The following GOLT1B variants were observed in gnomAD, a reference collection of about 807,000 sequenced individuals.
GOLT1B encodes the protein golgi transport 1B.
A neutral mutation model predicts 15.4 loss-of-function variants in GOLT1B; 3 were observed. That is an observed-to-expected ratio of 0.19 (90% CI 0.09 to 0.50). GOLT1B has a LOEUF of 0.50. Among genes scored for constraint, GOLT1B ranks in the 20% least tolerant of loss-of-function variants. The pLI is 0.97. For missense variants in GOLT1B, 145 were observed against 160.4 expected (o/e 0.90, Z 0.52); for synonymous variants, 65 against 56.2 (o/e 1.16, Z -0.70).
At chr12:21,503,073 C>A (rs1400217991) in intron 1 of GOLT1B, among the ~76,000 whole-genome samples, 6 of 152,238 alleles carry the variant, frequency 3.9e-5, no homozygotes, top group Non-Finnish European at 8.8e-5. Flanking sequence ...CTGGGGCTGC[C>A]TCTTGGGGCC....
At chr12:21,514,978 A>C (rs892199274) in intron 4 of GOLT1B, among the ~76,000 whole-genome samples, 6 of 137,948 alleles carry the variant, frequency 4.3e-5, no homozygotes, top group African/African-American at 1.6e-4. Flanking sequence ...TCTTTACATC[A>C]CCATCTGGAA....
rs900433331 is a variant in GOLT1B, at chr12:21,517,646, A to G, written c.*1939A>G. 1 of 152,076 alleles carries G rather than the reference A, an allele frequency of 6.6e-6. No individual in the cohort carries two copies. 9.4% of individuals were successfully genotyped at this position (152,076 alleles called of 1,614,324 possible). On this transcript the variant is annotated 3_prime_UTR_variant, in exon 5 of 5. Coordinates refer to ENST00000229314, the MANE Select transcript of GOLT1B (RefSeq NM_016072.5). ...ACTGTAACAGAGATTCCTTTTTTCA[A>G]TAATCTTAATTCAAAAGCATTATTA... is the stretch of plus-strand genomic sequence containing the variant.
chr12:21,513,556 C>T (rs1943735388), intron 4 of GOLT1B, among the ~76,000 whole-genome samples: 2 of 152,000 alleles, frequency 1.3e-5, no homozygotes, highest in East Asian at 1.9e-4. Flanking sequence ...CAAGCAATGC[C>T]CCCACCTCAG....
Position 21,501,843 on chromosome 12 carries a change from TC to T in GOLT1B, c.-78del, listed in dbSNP as rs1943627722. ...CGTGGCGGCTCTCGCCTGGGCTGTT[TC>T]CCGGCTTCATTTCTCCCGACTCAGC... On this transcript the variant is annotated 5_prime_UTR_variant, in exon 1 of 5. Coordinates refer to ENST00000229314, the MANE Select transcript of GOLT1B (RefSeq NM_016072.5). 2.0e-6 allele frequency: 2 copies of T among 992,740 alleles called. No individual in the cohort carries two copies. The allele number at this position is 992,740 out of a possible 1,614,324, so 61.5% of individuals were successfully genotyped here. A position where few individuals can be genotyped will look rare whatever the true frequency, so the allele number is the denominator to read the frequency against.
At chr12:21,502,845 C>T (rs1170854321) in intron 1 of GOLT1B, among the ~76,000 whole-genome samples, 1 of 152,162 alleles carries the variant, frequency 6.6e-6, no homozygotes, top group African/African-American at 2.4e-5. Flanking sequence ...TTATCTGCCA[C>T]GCCTTTCATT....
chr12:21,506,838 GTGACT>G (rs768878550), intron 1 of GOLT1B, 42 bp from the exon 2 acceptor site: 2 of 803,026 alleles, frequency 2.5e-6, no homozygotes, highest in African/African-American at 3.5e-5. Context: ...GGATGTTAAT[GTGACT>G]TTAATTTTTC....
intron 4 of GOLT1B, among the ~76,000 whole-genome samples, chr12:21,514,674 A>C (rs948986552): frequency 6.6e-6 from 1 of 152,196 alleles, no homozygotes; most frequent in Non-Finnish European, 1.5e-5. Flanking sequence ...CTGCAAATTC[A>C]TACAGTGGTC....
In GOLT1B at chr12:21,518,103, T is replaced by G. The variant is rs1943768914; in HGVS notation, c.*2396T>G. On this transcript the variant is annotated 3_prime_UTR_variant, in exon 5 of 5. Coordinates refer to ENST00000229314, the MANE Select transcript of GOLT1B (RefSeq NM_016072.5). ...ACTGTCAGATTATATTATCTAACAA[T>G]TGAATATTGTAAATATACTTGTCTT... The G allele has an allele frequency of 1.3e-5, 2 of 152,518 alleles. No individual in the cohort carries two copies. Among genetic ancestry groups the G allele is most frequent in the Admixed American group, 1.3e-4 (2 of 15,282 alleles). 9.4% of individuals were successfully genotyped at this position (152,518 alleles called of 1,614,324 possible).
rs938283740 is a variant in GOLT1B, at chr12:21,518,252, G to A, written c.*2545G>A. Reference sequence around the variant, plus strand: ...TTTTAAAAAATTAGCCTTATATGCAGTGTTCTATTTATCAAATGATCTTCA... The same window carrying A: ...TTTTAAAAAATTAGCCTTATATGCAATGTTCTATTTATCAAATGATCTTCA... On this transcript the variant is annotated 3_prime_UTR_variant, in exon 5 of 5. Transcript: ENST00000229314. 7 of 152,118 alleles carry A rather than the reference G, an allele frequency of 4.6e-5. No individual in the cohort carries two copies. The highest frequency in any genetic ancestry group is 2.6e-4 in the Admixed American group (4 of 15,268). 9.4% of individuals were successfully genotyped at this position (152,118 alleles called of 1,614,324 possible). A position where few individuals can be genotyped will look rare whatever the true frequency, so the allele number is the denominator to read the frequency against.
rs1183295034 is a variant in GOLT1B at position 21,501,846 on chromosome 12, C to G, written c.-78C>G. ...GGCGGCTCTCGCCTGGGCTGTTTCC[C>G]GGCTTCATTTCTCCCGACTCAGCTT... On this transcript the variant is annotated 5_prime_UTR_variant, in exon 1 of 5. Coordinates refer to ENST00000229314, the MANE Select transcript of GOLT1B (RefSeq NM_016072.5). 16 of 1,018,990 alleles carry G rather than the reference C, an allele frequency of 1.6e-5. No homozygotes were observed. The Middle Eastern group carries it at 8.0e-4, about 51-fold the overall frequency. 63.1% of individuals were successfully genotyped at this position (1,018,990 alleles called of 1,614,324 possible).
chr12:21,510,258 G>A (rs1943709945), intron 3 of GOLT1B, among the ~76,000 whole-genome samples: 1 of 152,170 alleles, frequency 6.6e-6, no homozygotes, highest in Non-Finnish European at 1.5e-5. Context: ...GAAGAACTAG[G>A]AGTAAAGATC....
chr12:21,506,937 G>T lies in GOLT1B; in HGVS notation c.78G>T (p.Met26Ile). ...GFGVFFLFFG[M>I]ILFFDKALLA... The stretch of plus-strand genomic sequence containing the variant: ...GAGTGTTTTTCCTGTTCTTTGGAAT[G>T]ATTCTCTTTTTTGACAAAGCACTAC... The change falls in exon 2 of 5, where the codon ATG becomes ATT. Residue 26 changes from methionine (M) to isoleucine (I), a missense_variant. Physicochemically the swap from Met to Ile is conservative, Grantham distance 10. Coordinates refer to ENST00000229314, the MANE Select transcript of GOLT1B (RefSeq NM_016072.5). 1.3e-6 allele frequency: 2 copies of T among 1,515,478 alleles called. No homozygotes were observed. The highest frequency in any genetic ancestry group is 1.8e-6 in the Non-Finnish European group (2 of 1,092,884). 93.9% of individuals were successfully genotyped at this position (1,515,478 alleles called of 1,614,324 possible). A position where few individuals can be genotyped will look rare whatever the true frequency, so the allele number is the denominator to read the frequency against.
At chr12:21,506,596 C>G (rs1177294519) in intron 1 of GOLT1B, among the ~76,000 whole-genome samples, 1 of 151,822 alleles carries the variant, frequency 6.6e-6, no homozygotes, top group African/African-American at 2.4e-5. Flanking sequence ...ATATTAAAAC[C>G]AAAGGTTTAG....
intron 2 of GOLT1B, chr12:21,507,918 C>A (rs770795676): frequency 3.2e-4 from 146 of 453,790 alleles, no homozygotes; most frequent in Non-Finnish European, 5.4e-4. Flanking sequence ...TCAACTTAGC[C>A]ATGTCAATAT....
In GOLT1B at chr12:21,518,001, C is replaced by T. The variant is rs1014340797; in HGVS notation, c.*2294C>T. The T allele has an allele frequency of 6.6e-6, 1 of 152,466 alleles. No individual in the cohort carries two copies. Among genetic ancestry groups the T allele is most frequent in the East Asian group, 1.9e-4 (1 of 5,200 alleles). The allele number at this position is 152,466 out of a possible 1,614,324, so 9.4% of individuals were successfully genotyped here. A position where few individuals can be genotyped will look rare whatever the true frequency, so the allele number is the denominator to read the frequency against. ...CATTGTTCAAGTGTATTTTCTGTAACAGAAACATATTTGGAATGTTTTTCT... is the reference window on the plus strand; with the variant it reads ...CATTGTTCAAGTGTATTTTCTGTAATAGAAACATATTTGGAATGTTTTTCT... On this transcript the variant is annotated 3_prime_UTR_variant, in exon 5 of 5. Transcript: ENST00000229314.
At position 21,516,946 on chromosome 12, in the gene GOLT1B, T is replaced by C. The variant is rs1034614489; in HGVS notation, c.*1239T>C. On this transcript the variant is annotated 3_prime_UTR_variant, in exon 5 of 5. Coordinates refer to ENST00000229314, the MANE Select transcript of GOLT1B (RefSeq NM_016072.5). ...TTTTTTTTCCACCGTTGCTGATTAT[T>C]AGACAGTAGGAAATAGCTGTTTTCT... The C allele has an allele frequency of 2.0e-5, 3 of 152,474 alleles. No individual in the cohort carries two copies. The highest frequency in any genetic ancestry group is 4.8e-5 in the African/African-American group (2 of 41,444). The allele number at this position is 152,474 out of a possible 1,614,324, so 9.4% of individuals were successfully genotyped here. A position where few individuals can be genotyped will look rare whatever the true frequency, so the allele number is the denominator to read the frequency against.
At chr12:21,508,335 C>G (rs979947872) in intron 2 of GOLT1B, 48 bp from the exon 3 acceptor site, 2 of 1,062,292 alleles carry the variant, frequency 1.9e-6, no homozygotes, top group Non-Finnish European at 1.4e-6. Context: ...AAAATTTATG[C>G]ATTGTGTTTA....
Position 21,517,111 on chromosome 12 carries a change from T to C in GOLT1B, c.*1404T>C, listed in dbSNP as rs189307410. 1.3e-4 allele frequency: 20 copies of C among 152,604 alleles called. No homozygotes were observed. Among genetic ancestry groups the C allele is most frequent in the Admixed American group, 1.1e-3 (17 of 15,294 alleles). The allele number at this position is 152,604 out of a possible 1,614,324, so 9.5% of individuals were successfully genotyped here. A position where few individuals can be genotyped will look rare whatever the true frequency, so the allele number is the denominator to read the frequency against. On this transcript the variant is annotated 3_prime_UTR_variant, in exon 5 of 5. Coordinates refer to ENST00000229314, the MANE Select transcript of GOLT1B (RefSeq NM_016072.5). ...AGCTTTTTAATGCATAAAAGTATAA[T>C]TGAAATCTGTGGTATTTATTTACAA...
At chr12:21,507,817 C>T (rs1943690313) in intron 2 of GOLT1B, 1 of 360,888 alleles carries the variant, frequency 2.8e-6, no homozygotes. Context: ...TATTTGAAAA[C>T]ACATGGTTGT....
Sources: allele counts gnomAD v4.1 joint callset (sites outside exome capture counted in the v4.1 genomes callset), GRCh38; gene constraint gnomAD v4.1.1; transcripts MANE v1.5; gene names NCBI Gene and HGNC (gene_info 2026-07-23, HGNC 2026-07-21).